UPF3B: variants seen among roughly 807,000 people sequenced by gnomAD.
The protein encoded by UPF3B is regulator of nonsense transcripts 3B.
UPF3B carries 7 observed loss-of-function variants against 40.3 expected under a neutral mutation model. That is an observed-to-expected ratio of 0.17 (90% CI 0.10 to 0.33). The LOEUF is 0.33. UPF3B is among the 10% of genes least tolerant of loss of function. The pLI is 1.00. For synonymous variants in UPF3B, 117 were observed against 117.3 expected (o/e 1.00, Z 0.01); for missense variants, 229 against 358.9 (o/e 0.64, Z 2.93).
intron 4 of UPF3B, among the ~76,000 whole-genome samples, chrX:119,822,335 C>G (rs1052149018): frequency 5.2e-4 from 59 of 112,514 alleles, no homozygotes; most frequent in Non-Finnish European, 9.8e-4. Context: ...GACTCTGCTC[C>G]ACCAAAATTT....
intron 5 of UPF3B, among the ~76,000 whole-genome samples, chrX:119,814,847 TTTTCTTTC>T (rs1482677883): frequency 1.0e-5 from 1 of 99,294 alleles, no homozygotes; most frequent in African/African-American, 3.7e-5. Flanking sequence ...TCCTCTACTC[TTTTCTTTC>T]TTTCTTTTTT....
intron 10 of UPF3B, among the ~76,000 whole-genome samples, chrX:119,836,886 G>A (rs1221836700): frequency 9.5e-6 from 1 of 105,273 alleles, no homozygotes; most frequent in Non-Finnish European, 1.9e-5. Context: ...TCCTGACCTC[G>A]TGATCCACCC....
At chrX:119,815,251 C>G in exon 5 of UPF3B, 1 of 797,360 alleles carries the variant, frequency 1.3e-6, no homozygotes, top group Non-Finnish European at 1.5e-6. Context: ...CATCAGGGTG[C>G]GAGAGTCGAC....
rs1265199652 is a variant in UPF3B, at chrX:119,843,154, G to A, written c.580+37C>T. 3 of 965,927 alleles carry A rather than the reference G, an allele frequency of 3.1e-6. No homozygotes were observed. In the African/African-American group the frequency reaches 5.7e-5, roughly 18 times the overall value. 79.6% of individuals were successfully genotyped at this position (965,927 alleles called of 1,213,427 possible). A position where few individuals can be genotyped will look rare whatever the true frequency, so the allele number is the denominator to read the frequency against. On this transcript the variant is annotated intron_variant, in intron 5 of 10. Coordinates refer to ENST00000276201, the MANE Select transcript of UPF3B (RefSeq NM_080632.3). ...AGGTAGGAGACTTAGGTACTGTGATGAAAAGACTGTTGCCCTGATTCTTTT... is the reference window on the plus strand; with the variant it reads ...AGGTAGGAGACTTAGGTACTGTGATAAAAAGACTGTTGCCCTGATTCTTTT...
At chrX:119,832,601 G>A (rs2056048290), downstream of UPF3B, among the ~76,000 whole-genome samples, 1 of 111,543 alleles carries the variant, frequency 9.0e-6, no homozygotes, top group Admixed American at 9.6e-5. Flanking sequence ...CTAATCCTAT[G>A]TATATAGCTG....
chrX:119,821,976 T>A (rs1413906456), intron 4 of UPF3B, among the ~76,000 whole-genome samples: 2 of 111,268 alleles, frequency 1.8e-5, no homozygotes, highest in Non-Finnish European at 3.8e-5. Context: ...CTGGAGAGGG[T>A]AGGCACCAGA....
chrX:119,852,800 G>A lies in UPF3B; in HGVS notation c.129C>T (p.Asn43=), dbSNP rs2056318369. The A allele has an allele frequency of 8.2e-7, 1 of 1,212,473 alleles. No individual in the cohort carries two copies. The highest frequency in any genetic ancestry group is 1.8e-5 in the South Asian group (1 of 57,043). Residue 43 remains asparagine, a synonymous_variant, in exon 1 of 11, where the codon AAC becomes AAT. Transcript: ENST00000276201. ...SSKGEDKQDR[N]KEKKEALSKV... is the part of the protein sequence containing the mutation. ...TGCTCAGCGCTTCTTTCTTCTCCTT[G>A]TTGCGATCCTGCTTATCTTCCCCCT...
At chrX:119,836,672 A>T (rs1488602183) in intron 10 of UPF3B, among the ~76,000 whole-genome samples, 2 of 104,447 alleles carry the variant, frequency 1.9e-5, no homozygotes, top group Middle Eastern at 4.4e-3. Context: ...TTTTTTTGAG[A>T]CAGAGTCTCG....
intron 7 of UPF3B, 26 bp from the exon 8 acceptor site, chrX:119,840,710 T>A: frequency 8.4e-7 from 1 of 1,190,708 alleles, no homozygotes; most frequent in Non-Finnish European, 1.1e-6. Context: ...AACAAACAGA[T>A]GAGGTAACTT....
intron 3 of UPF3B, among the ~76,000 whole-genome samples, chrX:119,823,427 G>A (rs1339064064): frequency 9.0e-6 from 1 of 110,529 alleles, no homozygotes; most frequent in Non-Finnish European, 1.9e-5. Context: ...TAGCAGAGAC[G>A]GGGTTGCCCT....
At position 119,837,749 on chromosome X, in the gene UPF3B, A is replaced by G. The variant is rs776786838; in HGVS notation, c.1302+8T>C. 2.9e-5 allele frequency: 35 copies of G among 1,207,456 alleles called. No individual in the cohort carries two copies. The South Asian group carries it at 5.5e-4, about 19-fold the overall frequency. On this transcript the variant is annotated splice_region_variant and intron_variant, in intron 10 of 10. Coordinates refer to ENST00000276201, the MANE Select transcript of UPF3B (RefSeq NM_080632.3). ...ACCCTCATAAACAAGTTTAATGACA[A>G]GCAGCACCTTGTTTCTTATTCGATC...
At chrX:119,852,051 G>A (rs780950201) in intron 1 of UPF3B, among the ~76,000 whole-genome samples, 178 bp from the exon 2 acceptor site, 1 of 108,214 alleles carries the variant, frequency 9.2e-6, no homozygotes, top group Admixed American at 9.9e-5. Context: ...ATAGTAACGC[G>A]GTTTAAAAAA....
intron 5 of UPF3B, among the ~76,000 whole-genome samples, chrX:119,811,400 A>T (rs1603365159): frequency 9.0e-6 from 1 of 110,751 alleles, no homozygotes; most frequent in Middle Eastern, 4.6e-3. Context: ...TAATCCCAGC[A>T]CTTTGGGAGG....
At chrX:119,842,629 C>CACACACACACACAG (rs202167619) in intron 5 of UPF3B, among the ~76,000 whole-genome samples, 3 of 107,247 alleles carry the variant, frequency 2.8e-5, no homozygotes, top group African/African-American at 1.0e-4. Context: ...CACACACACA[C>CACACACACACACAG]AGAGAGAGAG....
intron 4 of UPF3B, among the ~76,000 whole-genome samples, chrX:119,817,523 A>G (rs149960997): frequency 1.2e-3 from 138 of 112,372 alleles, no homozygotes; most frequent in Non-Finnish European, 2.2e-3. Context: ...TGAGGATTAC[A>G]GTTTAAGATG....
downstream of UPF3B, chrX:119,833,966 A>C: frequency 1.4e-6 from 1 of 728,769 alleles, no homozygotes; most frequent in Non-Finnish European, 1.6e-6. Flanking sequence ...CAGATGTCAA[A>C]AATTTAATTT....
At chrX:119,841,281 G>A (rs1320007641) in intron 6 of UPF3B, 23 bp from the exon 7 acceptor site, 1 of 1,197,597 alleles carries the variant, frequency 8.4e-7, no homozygotes, top group African/African-American at 1.8e-5. Context: ...ATCAACACAA[G>A]CCTTCAAATA....
intron 10 of UPF3B, among the ~76,000 whole-genome samples, chrX:119,837,144 C>T (rs112107545): frequency 0.044 from 4,676 of 106,416 alleles, 104 homozygotes; most frequent in East Asian, 0.15. Context: ...GGGGTTTCAC[C>T]ATGTTGGCCA....
At chrX:119,813,882 A>G (rs1464189816) in intron 5 of UPF3B, among the ~76,000 whole-genome samples, 5 of 110,506 alleles carry the variant, frequency 4.5e-5, no homozygotes, top group Non-Finnish European at 9.5e-5. Flanking sequence ...TTTCTTATCA[A>G]TTACCCAGTC....
Sources: gnomAD v4.1 joint callset for allele counts (sites outside exome capture counted in the v4.1 genomes callset) on GRCh38, gnomAD v4.1.1 for gene constraint, MANE v1.5 for transcripts, NCBI Gene and HGNC (gene_info 2026-07-23, HGNC 2026-07-21) for gene names.